Variants in NEDD9 observed in about 807,000 individuals in gnomAD.
The protein encoded by NEDD9 is neural precursor cell expressed, developmentally down-regulated 9, also known as enhancer of filamentation 1.
In NEDD9, 26 loss-of-function variants were observed where a neutral mutation model predicts 76.6. The observed-to-expected ratio is 0.34, with a 90% CI of 0.25 to 0.47. NEDD9 has a LOEUF of 0.47. Among genes scored for constraint, NEDD9 ranks in the 20% least tolerant of loss-of-function variants. The probability of loss-of-function intolerance (pLI) is 1.00; values close to 1 mark genes in which losing one functional copy is unlikely to be tolerated. For synonymous variants in NEDD9, 392 were observed against 414.2 expected, an observed-to-expected ratio of 0.95 and a Z score of 0.65; for missense variants, 937 against 1,058.5, an observed-to-expected ratio of 0.89 and a Z score of 1.59.
intron 2 of NEDD9, among the ~76,000 whole-genome samples, chr6:11,196,370 G>A (rs1278682739): frequency 1.3e-5 from 2 of 152,110 alleles, no homozygotes; most frequent in African/African-American, 4.8e-5. Context: ...AGTGGGTGGC[G>A]TTGGTGTCTG....
chr6:11,242,376 T>C (rs1341466040), intron 3 of NEDD9, among the ~76,000 whole-genome samples: 2 of 152,172 alleles, frequency 1.3e-5, no homozygotes, highest in Non-Finnish European at 2.9e-5. Flanking sequence ...AGGGTGTTCT[T>C]GAACCCAGGG....
At chr6:11,309,343 C>A (rs1761295600) in intron 2 of NEDD9, among the ~76,000 whole-genome samples, 1 of 152,182 alleles carries the variant, frequency 6.6e-6, no homozygotes, top group African/African-American at 2.4e-5. Context: ...CCAGTACTAG[C>A]CCATTATGAA....
At chr6:11,335,756 T>A (rs760119028) in intron 1 of NEDD9, among the ~76,000 whole-genome samples, 32 of 152,220 alleles carry the variant, frequency 2.1e-4, no homozygotes, top group Non-Finnish European at 4.3e-4. Flanking sequence ...TAGTAATTGT[T>A]CCTATTTGAA....
chr6:11,346,896 T>C (rs1762374788), intron 1 of NEDD9, among the ~76,000 whole-genome samples: 1 of 152,326 alleles, frequency 6.6e-6, no homozygotes, highest in East Asian at 1.9e-4. Flanking sequence ...AGGACTGGCC[T>C]GAAATTTGTG....
intron 3 of NEDD9, among the ~76,000 whole-genome samples, chr6:11,260,966 A>G (rs1189001994): frequency 6.6e-6 from 1 of 152,010 alleles, no homozygotes; most frequent in African/African-American, 2.4e-5. Flanking sequence ...AATTCTCCAC[A>G]TTTGATCATG....
At position 11,377,301 on chromosome 6, in the gene NEDD9, C is replaced by T. The variant is rs183939691; in HGVS notation, c.-214+4838G>A. 3.0e-3 allele frequency among the ~76,000 whole-genome samples: 453 copies of T among 152,358 alleles called. 2 individuals carry two copies. Among genetic ancestry groups the T allele is most frequent in the African/African-American group, 0.01 (429 of 41,584 alleles). On this transcript the variant is annotated intron_variant, in intron 1 of 3. Coordinates refer to the NEDD9 transcript ENST00000397378. ...AGCAGATTCACTGGCAGCTTGCACC[C>T]TTTAACTGGAAAAGCAACAAGCACT...
intron 2 of NEDD9, among the ~76,000 whole-genome samples, chr6:11,203,942 A>T (rs1181868570): frequency 4.0e-5 from 6 of 151,404 alleles, no homozygotes; most frequent in Non-Finnish European, 8.8e-5. Flanking sequence ...GGTCAAGTTG[A>T]AATTTATAAT....
At chr6:11,272,123 T>C (rs1760320419) in intron 3 of NEDD9, among the ~76,000 whole-genome samples, 3 of 152,172 alleles carry the variant, frequency 2.0e-5, no homozygotes, top group Admixed American at 2.0e-4. Context: ...TCTGCTCCTT[T>C]CCATGGGTGC....
chr6:11,315,294 C>G (rs760813782), intron 2 of NEDD9, among the ~76,000 whole-genome samples: 46 of 152,338 alleles, frequency 3.0e-4, no homozygotes, highest in Non-Finnish European at 6.3e-4. Flanking sequence ...CTAAGGCAGA[C>G]AGAGATCATT....
chr6:11,222,034 A>G (rs575203376), intron 1 of NEDD9, among the ~76,000 whole-genome samples: 9 of 152,354 alleles, frequency 5.9e-5, no homozygotes, highest in African/African-American at 1.9e-4. Context: ...CTACTATATT[A>G]CAATATACTT....
chr6:11,278,866 C>T (rs1321538646), intron 3 of NEDD9, among the ~76,000 whole-genome samples: 1 of 151,052 alleles, frequency 6.6e-6, no homozygotes, highest in Admixed American at 6.6e-5. Flanking sequence ...ATGGACAGGT[C>T]GGGAGATGTA....
At position 11,343,845 on chromosome 6, in the gene NEDD9, A is replaced by G. The variant is rs187401471; in HGVS notation, c.-213-9284T>C. Among the ~76,000 whole-genome samples the G allele has an allele frequency of 1.7e-3, 264 of 152,340 alleles. 1 individual carries two copies. Among genetic ancestry groups the G allele is most frequent in the African/African-American group, 6.1e-3 (252 of 41,568 alleles). ...ATTTACAGGGCAAGAAACCTAAGTAAAAGGGTATTAAACATAGACTAAATA... is the reference window on the plus strand; with the variant it reads ...ATTTACAGGGCAAGAAACCTAAGTAGAAGGGTATTAAACATAGACTAAATA... On this transcript the variant is annotated intron_variant, in intron 1 of 3. Coordinates refer to the NEDD9 transcript ENST00000397378.
At chr6:11,325,808 T>C (rs1303080934) in intron 2 of NEDD9, among the ~76,000 whole-genome samples, 2 of 151,988 alleles carry the variant, frequency 1.3e-5, no homozygotes, top group South Asian at 2.1e-4. Context: ...TAAAAAGGAG[T>C]CATTTTTAAT....
chr6:11,185,574 C>CTGTT lies in NEDD9; in HGVS notation c.2089_2092dup (p.Ser698LysfsTer17). ...CTGCCGATCCTGAGCACTCACGCCACTGTTTGTGGTGGGTAGGCTCTGAGA... is the reference window on the plus strand; with the variant it reads ...CTGCCGATCCTGAGCACTCACGCCACTGTTTGTTTGTGGTGGGTAGGCTCTGAGA... On this transcript the variant is annotated frameshift_variant, in exon 7 of 7. Coordinates refer to ENST00000379446, the MANE Select transcript of NEDD9 (RefSeq NM_006403.4). LOFTEE classifies it high-confidence loss of function. The CTGTT allele has an allele frequency of 6.2e-7, 1 of 1,614,208 alleles. No homozygotes were observed. Among genetic ancestry groups the CTGTT allele is most frequent in the East Asian group, 2.2e-5 (1 of 44,892 alleles).
chr6:11,315,017 G>C (rs1013552838), intron 2 of NEDD9, among the ~76,000 whole-genome samples: 1 of 152,176 alleles, frequency 6.6e-6, no homozygotes. Context: ...GTGTCCTAGG[G>C]GAATGGAGAC....
intron 1 of NEDD9, among the ~76,000 whole-genome samples, chr6:11,216,794 C>T (rs1373643509): frequency 6.6e-6 from 1 of 152,224 alleles, no homozygotes; most frequent in Non-Finnish European, 1.5e-5. Flanking sequence ...GCCTCCTTTC[C>T]ATTTGCAGTC....
chr6:11,318,105 C>CT (rs368702532), intron 2 of NEDD9, among the ~76,000 whole-genome samples: 84 of 152,272 alleles, frequency 5.5e-4, no homozygotes, highest in African/African-American at 1.9e-3. Context: ...GGCCTTTGTG[C>CT]TAGAGCTATG....
intron 2 of NEDD9, among the ~76,000 whole-genome samples, chr6:11,319,961 GAA>G (rs1461098532): frequency 7.7e-6 from 1 of 129,780 alleles, no homozygotes; most frequent in Middle Eastern, 3.5e-3. Context: ...GGATTGAATA[GAA>G]GAGAGGAAAA....
At chr6:11,206,041 A>C (rs974705413) in intron 2 of NEDD9, among the ~76,000 whole-genome samples, 2 of 152,372 alleles carry the variant, frequency 1.3e-5, no homozygotes, top group African/African-American at 4.8e-5. Context: ...AGGCACAGCT[A>C]GTTAGAATGA....
Sources: allele counts gnomAD v4.1 joint callset (sites outside exome capture counted in the v4.1 genomes callset), GRCh38; gene constraint gnomAD v4.1.1; transcripts MANE v1.5; gene names NCBI Gene and HGNC (gene_info 2026-07-23, HGNC 2026-07-21).